POMT2: variants seen among roughly 807,000 people sequenced by gnomAD.
The protein encoded by POMT2 is protein O-mannosyl-transferase 2.
In POMT2, 75 loss-of-function variants were observed where a neutral mutation model predicts 100.0. That is an observed-to-expected ratio of 0.75 (90% CI 0.62 to 0.91). The LOEUF (loss-of-function observed/expected upper bound fraction) is 0.91. Among genes scored for constraint, POMT2 ranks in the 40% least tolerant of loss-of-function variants. The pLI is 0.00. For synonymous variants in POMT2, 378 were observed against 374.1 expected (o/e 1.01, Z -0.12); for missense variants, 940 against 955.1 (o/e 0.98, Z 0.21).
Position 77,294,222 on chromosome 14 carries a change from A to T in POMT2, c.1116+1942T>A, listed in dbSNP as rs558424917. ...TGGTTTGGCTTTATGTCCCCACCCA[A>T]TTCTCATCTTGTGGCTCCTCTAATT... On this transcript the variant is annotated intron_variant, in intron 9 of 20. Transcript: ENST00000261534. 5.3e-5 allele frequency among the ~76,000 whole-genome samples: 8 copies of T among 152,348 alleles called. No individual in the cohort carries two copies. In the South Asian group the frequency reaches 1.7e-3, roughly 32 times the overall value.
chr14:77,298,009 C>T (rs192635418), intron 8 of POMT2, among the ~76,000 whole-genome samples: 3 of 152,336 alleles, frequency 2.0e-5, no homozygotes, highest in African/African-American at 7.2e-5. Context: ...CCCAACCTAA[C>T]TTTTCACATT....
chr14:77,308,356 G>GTTTTTTTTTT (rs529559494), intron 2 of POMT2, among the ~76,000 whole-genome samples: 2 of 128,474 alleles, frequency 1.6e-5, no homozygotes, highest in Non-Finnish European at 1.6e-5. Flanking sequence ...AAGTTTTTTT[G>GTTTTTTTTTT]TTTTTTTTTT....
intron 9 of POMT2, among the ~76,000 whole-genome samples, chr14:77,295,412 C>A (rs1890787881): frequency 6.6e-6 from 1 of 152,122 alleles, no homozygotes; most frequent in Admixed American, 6.5e-5. Context: ...GCAGGTGGAT[C>A]ATGAGGTCAG....
intron 15 of POMT2, among the ~76,000 whole-genome samples, chr14:77,281,629 G>T (rs994945586): frequency 6.6e-6 from 1 of 152,160 alleles, no homozygotes; most frequent in Non-Finnish European, 1.5e-5. Flanking sequence ...CCCAGAAGGG[G>T]AGTCAGCTGC....
In POMT2 at chr14:77,280,427, T is replaced by A. The variant is rs775731458; in HGVS notation, c.1690A>T (p.Thr564Ser). The change falls in exon 16 of 21, where the codon ACG (threonine) becomes TCG (serine). Residue 564 changes from threonine (T) to serine (S), a missense_variant. By Grantham distance (58) the Thr-to-Ser change is moderately conservative. Transcript: ENST00000261534. Reference protein sequence around the residue: ...SGLKPKDNEFTSKPWHWPINY... With the variant: ...SGLKPKDNEFSSKPWHWPINY... Reference sequence around the variant, plus strand: ...ATAGGCCAGTGCCAGGGTTTGGACGTGAACTCATTGTCCTTGGGTTTGAGG... The same window carrying A: ...ATAGGCCAGTGCCAGGGTTTGGACGAGAACTCATTGTCCTTGGGTTTGAGG... 6 of 1,614,204 alleles carry A rather than the reference T, an allele frequency of 3.7e-6. No homozygotes were observed. The highest frequency in any genetic ancestry group is 3.4e-6 in the Non-Finnish European group (4 of 1,180,034).
chr14:77,315,730 G>T (rs958970963), intron 1 of POMT2, among the ~76,000 whole-genome samples: 6 of 152,368 alleles, frequency 3.9e-5, no homozygotes, highest in African/African-American at 1.2e-4. Flanking sequence ...ACTTCGTGGC[G>T]GCTGGGTGCA....
intron 1 of POMT2, among the ~76,000 whole-genome samples, chr14:77,316,199 T>TC (rs959658590): frequency 9.9e-5 from 15 of 152,166 alleles, no homozygotes; most frequent in African/African-American, 3.6e-4. Flanking sequence ...GCCTCAGGAC[T>TC]CCCTGGCCTA....
At chr14:77,313,484 A>C (rs1363407048) in intron 1 of POMT2, among the ~76,000 whole-genome samples, 1 of 152,214 alleles carries the variant, frequency 6.6e-6, no homozygotes, top group African/African-American at 2.4e-5. Context: ...CTCTTATCTC[A>C]TCTACAAAAT....
At chr14:77,278,623 C>T (rs555579429) in intron 19 of POMT2, 106 bp downstream of exon 19, 2 of 1,522,676 alleles carry the variant, frequency 1.3e-6, no homozygotes, top group African/African-American at 2.8e-5. Context: ...ACTGCTGCCC[C>T]ACAGTGGCCT....
intron 2 of POMT2, among the ~76,000 whole-genome samples, chr14:77,310,959 C>A (rs1891414788): frequency 6.6e-6 from 1 of 152,212 alleles, no homozygotes; most frequent in South Asian, 2.1e-4. Context: ...CATGGTGAAA[C>A]CCCGTCTCTA....
At position 77,296,178 on chromosome 14, in the gene POMT2, C is replaced by A; in HGVS notation, c.1102G>T (p.Ala368Ser). 6.2e-7 allele frequency: 1 copy of A among 1,603,874 alleles called. No individual in the cohort carries two copies. Among genetic ancestry groups the A allele is most frequent in the Non-Finnish European group, 8.5e-7 (1 of 1,175,824 alleles). The change falls in exon 9 of 21, where the codon GCC becomes TCC. Residue 368 changes from alanine (A) to serine (S), a missense_variant. Physicochemically the swap from Ala to Ser is moderately conservative, Grantham distance 99. Transcript: ENST00000261534. ...HRHLYPEGIG[A>S]RQQQVTTYLH... ...GGCTCACTGACCTGCTGCTGACGGG[C>A]ACCAATGCCCTCGGGGTAGAGGTGC...
chr14:77,307,192 A>T (rs2139503401), intron 2 of POMT2, among the ~76,000 whole-genome samples: 1 of 152,334 alleles, frequency 6.6e-6, no homozygotes, highest in South Asian at 2.1e-4. Context: ...GAAGTATAAA[A>T]ACTGCTGGCA....
chr14:77,299,579 C>T lies in POMT2; in HGVS notation c.817-18G>A, dbSNP rs200104520. On this transcript the variant is annotated intron_variant, in intron 6 of 20. Transcript: ENST00000261534. The stretch of plus-strand genomic sequence containing the variant: ...ACAGTCACCTGCAAACAGAGGCCAG[C>T]GTGGGGTGCTAGGCATGTGAGACCT... 103 of 1,602,042 alleles carry T rather than the reference C, an allele frequency of 6.4e-5. 3 individuals carry two copies. In the Middle Eastern group the frequency reaches 1.5e-3, roughly 23 times the overall value.
chr14:77,303,005 G>T, intron 4 of POMT2, 62 bp from the exon 5 acceptor site: 1 of 1,249,940 alleles, frequency 8.0e-7, no homozygotes, highest in Non-Finnish European at 1.2e-6. Context: ...TGAAAACCAA[G>T]CACCCCAGTA....
intron 18 of POMT2, 153 bp from the exon 19 acceptor site, chr14:77,279,022 G>C: frequency 1.9e-6 from 2 of 1,056,970 alleles, no homozygotes; most frequent in Non-Finnish European, 2.8e-6. Flanking sequence ...AACTGGAGAG[G>C]AGCAGCTGGG....
At chr14:77,305,715 C>A (rs539979103) in intron 3 of POMT2, among the ~76,000 whole-genome samples, 2 of 152,230 alleles carry the variant, frequency 1.3e-5, no homozygotes, top group African/African-American at 4.8e-5. Flanking sequence ...TTCAGCCACA[C>A]GTTCAAGGTT....
chr14:77,285,601 C>A lies in POMT2; in HGVS notation c.1364G>T (p.Arg455Leu). 6.2e-7 allele frequency: 1 copy of A among 1,613,100 alleles called. No homozygotes were observed. Among genetic ancestry groups the A allele is most frequent in the African/African-American group, 1.3e-5 (1 of 74,960 alleles). ...AAATTTCCTGTTTACGACCTCAATCCGCCAGAAATCATTTGAGTCCCCTGT... is the reference window on the plus strand; with the variant it reads ...AAATTTCCTGTTTACGACCTCAATCAGCCAGAAATCATTTGAGTCCCCTGT... ...NGTGDSNDFW[R>L]IEVVNRKFGN... Residue 455 changes from arginine (R) to leucine (L), a missense_variant, in exon 13 of 21, where the codon CGG becomes CTG. Transcript: ENST00000261534.
At chr14:77,281,000 A>C (rs1890206349) in intron 15 of POMT2, among the ~76,000 whole-genome samples, 1 of 152,144 alleles carries the variant, frequency 6.6e-6, no homozygotes, top group South Asian at 2.1e-4. Context: ...AGGCTGAGGC[A>C]GGAGAACCAC....
chr14:77,316,294 G>A (rs1445035093), intron 1 of POMT2, among the ~76,000 whole-genome samples: 1 of 152,166 alleles, frequency 6.6e-6, no homozygotes, highest in Non-Finnish European at 1.5e-5. Context: ...TATGGAAATA[G>A]TACATTCAAG....
Sources: allele counts gnomAD v4.1 joint callset (sites outside exome capture counted in the v4.1 genomes callset), GRCh38; gene constraint gnomAD v4.1.1; transcripts MANE v1.5; gene names NCBI Gene and HGNC (gene_info 2026-07-23, HGNC 2026-07-21).